Variants in TSC22D2 observed in about 807,000 individuals in gnomAD.
TSC22D2 encodes the protein TSC22 domain family member 2.
TSC22D2 carries 5 observed loss-of-function variants against 50.1 expected under a neutral mutation model. The observed-to-expected ratio is 0.10, with a 90% confidence interval of 0.05 to 0.21. The LOEUF is 0.21. Ranked by LOEUF, TSC22D2 falls within the 10% of genes least tolerant of loss-of-function variation. TSC22D2 has a pLI of 1.00. For missense variants in TSC22D2, 1,003 were observed against 1,015.5 expected, an observed-to-expected ratio of 0.99 and a Z score of 0.17; for synonymous variants, 501 against 450.1, an observed-to-expected ratio of 1.11 and a Z score of -1.43.
At chr3:150,442,287 C>T (rs1330998192) in intron 1 of TSC22D2, among the ~76,000 whole-genome samples, 3 of 152,160 alleles carry the variant, frequency 2.0e-5, no homozygotes, top group African/African-American at 7.2e-5. Context: ...TTATATATCT[C>T]CTGCACTAAT....
Position 150,464,447 on chromosome 3 carries a change from A to C in TSC22D2, c.*5811A>C, listed in dbSNP as rs1247948817. On this transcript the variant is annotated 3_prime_UTR_variant, in exon 3 of 3. Transcript: ENST00000688009. ...TTTATAAAAAAAATGTTGACATGCAATTTAATTCTATTTCAATTTAGGTGC... is the reference window on the plus strand; with the variant it reads ...TTTATAAAAAAAATGTTGACATGCACTTTAATTCTATTTCAATTTAGGTGC... 2 of 152,126 alleles carry C rather than the reference A, an allele frequency of 1.3e-5. No individual in the cohort carries two copies. The highest frequency in any genetic ancestry group is 2.9e-5 in the Non-Finnish European group (2 of 68,012). 9.4% of individuals were successfully genotyped at this position (152,126 alleles called of 1,614,324 possible). A position where few individuals can be genotyped will look rare whatever the true frequency, so the allele number is the denominator to read the frequency against.
intron 1 of TSC22D2, among the ~76,000 whole-genome samples, chr3:150,428,182 A>G (rs1275892504): frequency 6.6e-6 from 1 of 152,060 alleles, no homozygotes; most frequent in Admixed American, 6.6e-5. Flanking sequence ...ATTGGTGTGG[A>G]GAGTCAGTTA....
At position 150,454,312 on chromosome 3, in the gene TSC22D2, A is replaced by G. The variant is rs139281685; in HGVS notation, c.1959-2764A>G. ...CGAGAGAACATATGTTCCACAGACT[A>G]CAAATAGTTGTATAAGACCATAACA... On this transcript the variant is annotated intron_variant, in intron 1 of 2. Coordinates refer to ENST00000688009, the MANE Select transcript of TSC22D2 (RefSeq NM_001303264.2). Among the ~76,000 whole-genome samples the G allele has an allele frequency of 3.3e-4, 51 of 152,344 alleles. No homozygotes were observed. The East Asian group carries it at 8.5e-3, about 25-fold the overall frequency.
chr3:150,440,822 A>G (rs1037139909), intron 1 of TSC22D2, among the ~76,000 whole-genome samples: 1 of 151,984 alleles, frequency 6.6e-6, no homozygotes, highest in Non-Finnish European at 1.5e-5. Context: ...TGAGCTCCAC[A>G]TCTTATAACC....
intron 1 of TSC22D2, among the ~76,000 whole-genome samples, chr3:150,429,466 G>T (rs1720313748): frequency 6.6e-6 from 1 of 152,120 alleles, no homozygotes; most frequent in Non-Finnish European, 1.5e-5. Flanking sequence ...ATATAAATGG[G>T]CATCAGTCTA....
In TSC22D2 at chr3:150,464,253, A is replaced by T. The variant is rs1189521950; in HGVS notation, c.*5617A>T. ...CATTTCACAGGCATGCAATGTATCTATAGATAGGTCATATCATACCTGAGG... is the reference window on the plus strand; with the variant it reads ...CATTTCACAGGCATGCAATGTATCTTTAGATAGGTCATATCATACCTGAGG... On this transcript the variant is annotated 3_prime_UTR_variant, in exon 3 of 3. Coordinates refer to ENST00000688009, the MANE Select transcript of TSC22D2 (RefSeq NM_001303264.2). 7 of 152,112 alleles carry T rather than the reference A, an allele frequency of 4.6e-5. No homozygotes were observed. Among genetic ancestry groups the T allele is most frequent in the African/African-American group, 1.7e-4 (7 of 41,422 alleles). 9.4% of individuals were successfully genotyped at this position (152,112 alleles called of 1,614,324 possible).
At chr3:150,419,623 GT>G (rs955146477) in intron 1 of TSC22D2, among the ~76,000 whole-genome samples, 2 of 151,948 alleles carry the variant, frequency 1.3e-5, no homozygotes, top group Non-Finnish European at 2.9e-5. Flanking sequence ...TGGAATGTTT[GT>G]TTTTTTCTCC....
At chr3:150,452,106 A>G (rs753078844) in intron 1 of TSC22D2, among the ~76,000 whole-genome samples, 1 of 152,128 alleles carries the variant, frequency 6.6e-6, no homozygotes, top group Non-Finnish European at 1.5e-5. Context: ...CTCTGTCCAC[A>G]TTACTACAGA....
chr3:150,432,532 A>G (rs572850196), intron 1 of TSC22D2, among the ~76,000 whole-genome samples: 2 of 151,782 alleles, frequency 1.3e-5, no homozygotes, highest in East Asian at 3.9e-4. Context: ...TAATTCGCCA[A>G]ATTCGATGTA....
At position 150,410,292 on chromosome 3, in the gene TSC22D2, C is replaced by T; in HGVS notation, c.942C>T (p.Pro314=). The T allele has an allele frequency of 6.4e-7, 1 of 1,563,738 alleles. No homozygotes were observed. The highest frequency in any genetic ancestry group is 2.3e-5 in the East Asian group (1 of 43,252). ...TGGCAGCCGCGCAGCCCAGCCAGCC[C>T]CAGGGAGCGGGGCCCGGGGGACAGA... is the stretch of plus-strand genomic sequence containing the variant. The part of the protein sequence containing the change: ...PMMAAAQPSQ[P]QGAGPGGQTL... Residue 314 remains proline (P), a synonymous_variant, in exon 1 of 3, where the codon CCC becomes CCT. Coordinates refer to ENST00000688009, the MANE Select transcript of TSC22D2 (RefSeq NM_001303264.2).
chr3:150,418,156 C>G (rs1719886823), intron 1 of TSC22D2, among the ~76,000 whole-genome samples: 1 of 151,884 alleles, frequency 6.6e-6, no homozygotes, highest in Non-Finnish European at 1.5e-5. Context: ...CCCAAGAAAA[C>G]ATTTAAAACA....
intron 1 of TSC22D2, among the ~76,000 whole-genome samples, chr3:150,450,343 T>C (rs1721003427): frequency 1.3e-5 from 2 of 152,098 alleles, no homozygotes; most frequent in African/African-American, 4.8e-5. Context: ...TGAGAAAAAG[T>C]AACACTTAAG....
rs59588626 is a variant in TSC22D2, at chr3:150,462,639, C to CTTTTTTTTTTTTTTTTTTTTTTT, written c.*4018_*4019insTTTTTTTTTTTTTTTTTTTTTTT. The CTTTTTTTTTTTTTTTTTTTTTTT allele has an allele frequency of 7.5e-6, 1 of 133,112 alleles. No individual in the cohort carries two copies. The highest frequency in any genetic ancestry group is 2.8e-5 in the African/African-American group (1 of 35,472). The allele number at this position is 133,112 out of a possible 1,614,324, so 8.2% of individuals were successfully genotyped here. The stretch of plus-strand genomic sequence containing the variant: ...TGCCTATTTTCTTTTTTTCTTTTTT[C>CTTTTTTTTTTTTTTTTTTTTTTT]TTTTTTTTTTTTTTTGAGACAGAGT... On this transcript the variant is annotated 3_prime_UTR_variant, in exon 3 of 3. Transcript: ENST00000688009.
At chr3:150,456,285 TC>T (rs1402517336) in intron 1 of TSC22D2, among the ~76,000 whole-genome samples, 1 of 151,900 alleles carries the variant, frequency 6.6e-6, no homozygotes, top group Non-Finnish European at 1.5e-5. Flanking sequence ...CCTCCTGGGT[TC>T]AAGTGATTCT....
In TSC22D2 at chr3:150,410,475, C is replaced by A; in HGVS notation, c.1125C>A (p.Ser375=). The A allele has an allele frequency of 2.5e-6, 4 of 1,607,704 alleles. No individual in the cohort carries two copies. The highest frequency in any genetic ancestry group is 3.4e-6 in the Non-Finnish European group (4 of 1,178,010). Residue 375 remains serine, a synonymous_variant, in exon 1 of 3, where the codon TCC becomes TCA. Transcript: ENST00000688009. ...PPGHLLPVQP[S]GQSEYLQQHV... ...GACATTTGCTGCCCGTCCAGCCCTC[C>A]GGCCAGAGTGAGTACCTGCAGCAGC...
At chr3:150,419,220 T>A (rs964106498) in intron 1 of TSC22D2, among the ~76,000 whole-genome samples, 2 of 152,084 alleles carry the variant, frequency 1.3e-5, no homozygotes, top group African/African-American at 4.8e-5. Context: ...CTGAGACTCT[T>A]AAAATTTGAG....
Position 150,410,059 on chromosome 3 carries a change from G to C in TSC22D2, c.709G>C (p.Gly237Arg), listed in dbSNP as rs759119717. 1.9e-6 allele frequency: 3 copies of C among 1,612,974 alleles called. No homozygotes were observed. Among genetic ancestry groups the C allele is most frequent in the Non-Finnish European group, 2.5e-6 (3 of 1,180,030 alleles). ...VVVASMQGAH[G>R]PESGTDSSLT... is the part of the protein sequence containing the mutation. Reference sequence around the variant, plus strand: ...AGTGGCCTCCATGCAGGGGGCGCACGGGCCCGAGTCGGGAACTGACAGCTC... The same window carrying C: ...AGTGGCCTCCATGCAGGGGGCGCACCGGCCCGAGTCGGGAACTGACAGCTC... The change falls in exon 1 of 3, where the codon GGG becomes CGG. Residue 237 changes from glycine (G) to arginine (R), a missense_variant. Gly to Arg is a moderately radical substitution (Grantham distance 125). Around this residue, in one of 6 missense-constraint regions of TSC22D2, gnomAD observed 696 missense variants for 647.8 expected, o/e 1.07. Transcript: ENST00000688009.
At position 150,462,657 on chromosome 3, in the gene TSC22D2, GAC is replaced by G. The variant is rs1355917055; in HGVS notation, c.*4023_*4024del. On this transcript the variant is annotated 3_prime_UTR_variant, in exon 3 of 3. Transcript: ENST00000688009. ...CTTTTTTCTTTTTTTTTTTTTTTGA[GAC>G]AGAGTCTTGCTGTGCTCAGGCTGGA... is the stretch of plus-strand genomic sequence containing the variant. The G allele has an allele frequency of 5.5e-5, 4 of 72,916 alleles. No homozygotes were observed. Among genetic ancestry groups the G allele is most frequent in the Admixed American group, 1.5e-4 (1 of 6,772 alleles). The allele number at this position is 72,916 out of a possible 1,614,324, so 4.5% of individuals were successfully genotyped here.
intron 1 of TSC22D2, among the ~76,000 whole-genome samples, chr3:150,417,623 C>G (rs1267357942): frequency 6.6e-6 from 1 of 151,988 alleles, no homozygotes; most frequent in Non-Finnish European, 1.5e-5. Context: ...ATTGTACCTA[C>G]CTGGGAGAGT....
Sources: allele counts gnomAD v4.1 joint callset (sites outside exome capture counted in the v4.1 genomes callset), GRCh38; gene constraint gnomAD v4.1.1; regional missense constraint gnomAD v4.1.1; transcripts MANE v1.5; gene names NCBI Gene and HGNC (gene_info 2026-07-23, HGNC 2026-07-21).